Variants in FOCAD observed in about 807,000 individuals in gnomAD.
The protein encoded by FOCAD is focadhesin.
In FOCAD, 198 loss-of-function variants were observed where a neutral mutation model predicts 225.6. The observed-to-expected ratio is 0.88, with a 90% CI of 0.78 to 0.99. The LOEUF is 0.99. Among genes scored for constraint, FOCAD ranks in the 50% least tolerant of loss-of-function variants. The probability of loss-of-function intolerance (pLI) is 0.00; values close to 1 mark genes in which losing one functional copy is unlikely to be tolerated. For synonymous variants in FOCAD, 897 were observed against 755.0 expected (o/e 1.19, Z -3.08); for missense variants, 2,713 against 2,123.6 (o/e 1.28, Z -5.46).
At chr9:20,788,985 A>AT (rs377058825) in intron 10 of FOCAD, among the ~76,000 whole-genome samples, 3,540 of 146,850 alleles carry the variant, frequency 0.024, 58 homozygotes, top group Non-Finnish European at 0.032. Flanking sequence ...CAAATACAGT[A>AT]TTTTTTTTTT....
At chr9:20,912,253 A>G (rs764024748) in intron 22 of FOCAD, among the ~76,000 whole-genome samples, 34 of 152,040 alleles carry the variant, frequency 2.2e-4, no homozygotes, top group Non-Finnish European at 4.7e-4. Flanking sequence ...AATTCTGAGT[A>G]AAAAAATGGA....
chr9:20,911,938 C>T (rs1487790536), intron 22 of FOCAD, among the ~76,000 whole-genome samples: 3 of 152,032 alleles, frequency 2.0e-5, no homozygotes, highest in African/African-American at 7.2e-5. Flanking sequence ...ATGAAAAGAT[C>T]CTCAATCTCA....
intron 28 of FOCAD, among the ~76,000 whole-genome samples, chr9:20,939,032 C>T (rs1475314613): frequency 2.7e-5 from 4 of 150,254 alleles, no homozygotes; most frequent in East Asian, 1.9e-4. Flanking sequence ...CGCCTGTAGT[C>T]CCAGCTACTC....
chr9:20,793,700 A>G (rs576376846), intron 11 of FOCAD, among the ~76,000 whole-genome samples: 127 of 152,200 alleles, frequency 8.3e-4, no homozygotes, highest in African/African-American at 2.9e-3. Flanking sequence ...TCTGCTTCCA[A>G]CTGATATCAG....
chr9:20,759,221 C>G (rs999759459), intron 6 of FOCAD, among the ~76,000 whole-genome samples: 14 of 152,100 alleles, frequency 9.2e-5, no homozygotes, highest in African/African-American at 3.4e-4. Context: ...CTTTAAAGTT[C>G]ATATGGAACC....
intron 2 of FOCAD, among the ~76,000 whole-genome samples, chr9:20,665,468 G>T (rs1185263536): frequency 6.6e-6 from 1 of 152,034 alleles, no homozygotes; most frequent in African/African-American, 2.4e-5. Context: ...AGTGATTTCA[G>T]TTCAGTCACT....
intron 1 of FOCAD, among the ~76,000 whole-genome samples, chr9:20,691,258 A>C (rs1822958563): frequency 6.6e-6 from 1 of 151,796 alleles, no homozygotes; most frequent in African/African-American, 2.4e-5. Context: ...CTGCTTCTTA[A>C]AGCACTTTCT....
At chr9:20,801,367 G>T (rs1179149416) in intron 11 of FOCAD, among the ~76,000 whole-genome samples, 1 of 152,122 alleles carries the variant, frequency 6.6e-6, no homozygotes, top group East Asian at 1.9e-4. Context: ...GTTCAAGAAA[G>T]AAATAAAATT....
intron 28 of FOCAD, among the ~76,000 whole-genome samples, chr9:20,941,432 G>C (rs2050334844): frequency 6.6e-6 from 1 of 152,158 alleles, no homozygotes; most frequent in South Asian, 2.1e-4. Flanking sequence ...AATGTTAACT[G>C]TTATTAGAAC....
At chr9:20,693,313 T>G (rs1173135380) in intron 1 of FOCAD, among the ~76,000 whole-genome samples, 2 of 152,214 alleles carry the variant, frequency 1.3e-5, no homozygotes, top group Non-Finnish European at 2.9e-5. Context: ...TTTACTCCCC[T>G]TCAGGCTACT....
At chr9:20,986,266 A>ATTTTTTGTTTTTTTTTTTT in intron 39 of FOCAD, 22 bp from the exon 40 acceptor site, 1 of 705,686 alleles carries the variant, frequency 1.4e-6, no homozygotes, top group East Asian at 1.2e-4. Context: ...TAACTAAACA[A>ATTTTTTGTTTTTTTTTTTT]TTTTTTTTTT....
intron 22 of FOCAD, among the ~76,000 whole-genome samples, chr9:20,908,650 G>T (rs1833179782): frequency 6.6e-6 from 1 of 151,964 alleles, no homozygotes; most frequent in African/African-American, 2.4e-5. Context: ...TTTATCTTCA[G>T]CAGCATCTGG....
At chr9:20,749,121 T>G (rs1441808900) in intron 5 of FOCAD, among the ~76,000 whole-genome samples, 3 of 152,126 alleles carry the variant, frequency 2.0e-5, no homozygotes, top group Non-Finnish European at 2.9e-5. Flanking sequence ...ACTTTGTACT[T>G]AAAATAGTTC....
chr9:20,695,113 G>C (rs1013061591), intron 1 of FOCAD, among the ~76,000 whole-genome samples: 4 of 152,164 alleles, frequency 2.6e-5, no homozygotes, highest in African/African-American at 9.7e-5. Flanking sequence ...TATTGTCCTG[G>C]AAGAGGTACC....
chr9:20,970,348 G>C (rs776731936), intron 35 of FOCAD, among the ~76,000 whole-genome samples: 66 of 152,112 alleles, frequency 4.3e-4, no homozygotes, highest in Non-Finnish European at 2.9e-4. Flanking sequence ...TGGTATGCTT[G>C]ATGTATCCTT....
upstream of FOCAD, among the ~76,000 whole-genome samples, chr9:20,680,338 C>G (rs960863262): frequency 2.6e-5 from 4 of 151,944 alleles, no homozygotes; most frequent in African/African-American, 9.7e-5. Context: ...GGTGAGCCCA[C>G]CACGAGGTCA....
chr9:20,823,438 T>C (rs1403665593), intron 15 of FOCAD, among the ~76,000 whole-genome samples: 1 of 152,084 alleles, frequency 6.6e-6, no homozygotes, highest in Non-Finnish European at 1.5e-5. Flanking sequence ...TTCTTAATTT[T>C]GTGATTAGAG....
chr9:20,962,407 T>C (rs200183123), intron 35 of FOCAD, among the ~76,000 whole-genome samples: 6 of 111,792 alleles, frequency 5.4e-5, no homozygotes, highest in Non-Finnish European at 9.9e-5. Context: ...ATAATATATA[T>C]ATACACACAC....
chr9:20,910,512 A>C (rs1833352449), intron 22 of FOCAD, among the ~76,000 whole-genome samples: 1 of 151,900 alleles, frequency 6.6e-6, no homozygotes, highest in Non-Finnish European at 1.5e-5. Context: ...TTTTGTTTTA[A>C]ATGTGTAGGA....
Sources: gnomAD v4.1 joint callset for allele counts (sites outside exome capture counted in the v4.1 genomes callset) on GRCh38, gnomAD v4.1.1 for gene constraint, MANE v1.5 for transcripts, NCBI Gene and HGNC (gene_info 2026-07-23, HGNC 2026-07-21) for gene names.